Variants in GSTA2 observed in about 807,000 individuals in gnomAD.
The protein encoded by GSTA2 is glutathione S-transferase alpha 2, also known as glutathione S-transferase A2.
GSTA2 carries 27 observed loss-of-function variants against 22.4 expected under a neutral mutation model. The observed-to-expected ratio is 1.21, with a 90% confidence interval of 0.89 to 1.67. The LOEUF is 1.67. Among genes scored for constraint, GSTA2 ranks in the 40% most tolerant of loss-of-function variants. The pLI, the probability that GSTA2 is intolerant of heterozygous loss-of-function variation, is 0.00. For synonymous variants in GSTA2, 121 were observed against 86.8 expected (o/e 1.39, Z -2.19); for missense variants, 302 against 260.2 (o/e 1.16, Z -1.11).
At chr6:52,754,653 C>A (rs1168596688) in intron 4 of GSTA2, among the ~76,000 whole-genome samples, 2 of 152,190 alleles carry the variant, frequency 1.3e-5, no homozygotes, top group Non-Finnish European at 2.9e-5. Context: ...CACCTGGAAA[C>A]ATGATTCCCC....
intron 3 of GSTA2, 69 bp from the exon 4 acceptor site, chr6:52,755,144 TG>T (rs1762816627): frequency 1.3e-6 from 2 of 1,581,486 alleles, no homozygotes; most frequent in Admixed American, 3.6e-5. Context: ...TGAAAAAAAA[TG>T]GTTGTTGAAA....
chr6:52,759,563 G>GTTTTTTTTTGTTTTTTTTTTTTTT lies in GSTA2; in HGVS notation c.-30-1587_-30-1586insAAAAAAAAAAAAAACAAAAAAAAA, dbSNP rs1762913408. Among the ~76,000 whole-genome samples, 4 of 34,198 alleles carry GTTTTTTTTTGTTTTTTTTTTTTTT rather than the reference G, an allele frequency of 1.2e-4. 1 individual carries two copies. The highest frequency in any genetic ancestry group is 2.6e-4 in the African/African-American group (3 of 11,560). The allele number at this position is 34,198 out of a possible 152,430, so 22.4% of individuals were successfully genotyped here. A position where few individuals can be genotyped will look rare whatever the true frequency, so the allele number is the denominator to read the frequency against. On this transcript the variant is annotated intron_variant, in intron 1 of 6. Transcript: ENST00000493422. ...CCTTTAACAACTAATGTATTTATTT[G>GTTTTTTTTTGTTTTTTTTTTTTTT]TTTTTTTTTTTTTTTTTTTTTTTTT...
intron 1 of GSTA2, among the ~76,000 whole-genome samples, chr6:52,760,874 G>A (rs955040958): frequency 3.3e-5 from 5 of 152,086 alleles, no homozygotes; most frequent in Admixed American, 2.0e-4. Context: ...GAGGACTAGT[G>A]TAATTACTTT....
chr6:52,757,875 C>T lies in GSTA2; in HGVS notation c.73G>A (p.Ala25Thr), dbSNP rs1762875901. The T allele has an allele frequency of 6.2e-7, 1 of 1,613,444 alleles. No individual in the cohort carries two copies. Among genetic ancestry groups the T allele is most frequent in the East Asian group, 2.2e-5 (1 of 44,880 alleles). The change falls in exon 2 of 7, where the codon GCA (alanine) becomes ACA (threonine). Residue 25 changes from alanine to threonine, a missense_variant. Physicochemically the swap from Ala to Thr is moderately conservative, Grantham distance 58. Transcript: ENST00000493422. ...TCAGAACCTACCTCTACTCCAGCTG[C>T]AGCCAGGAGCCACCGGATGGACTCC... ...RMESIRWLLAAAGVEFEEKFI... is the reference protein window; with the variant it reads ...RMESIRWLLATAGVEFEEKFI...
chr6:52,754,869 G>T, intron 4 of GSTA2, 74 bp downstream of exon 4: 2 of 1,599,634 alleles, frequency 1.3e-6, no homozygotes, highest in Non-Finnish European at 1.7e-6. Context: ...CCCTGCCATG[G>T]TCCCACCCAC....
intron 1 of GSTA2, among the ~76,000 whole-genome samples, chr6:52,761,386 C>T (rs1039466574): frequency 1.3e-5 from 2 of 152,110 alleles, no homozygotes; most frequent in Non-Finnish European, 2.9e-5. Flanking sequence ...ATCAATCGTT[C>T]TATGTATCTA....
chr6:52,752,967 C>T lies in GSTA2; in HGVS notation c.301G>A (p.Asp101Asn). Residue 101 changes from aspartate (D) to asparagine (N), a missense_variant, in exon 5 of 7, where the codon GAT becomes AAT. Asp to Asn is a conservative substitution (Grantham distance 23). Transcript: ENST00000493422. ...AGAAGAAGGATCATTTCACCCAAAT[C>T]TGCTATACCTTCTATATACATATCA... ...LIDMYIEGIA[D>N]LGEMILLLPF... The T allele has an allele frequency of 6.2e-7, 1 of 1,613,376 alleles. No homozygotes were observed. Among genetic ancestry groups the T allele is most frequent in the Non-Finnish European group, 8.5e-7 (1 of 1,179,438 alleles).
chr6:52,751,736 A>T (rs1445952464), intron 5 of GSTA2, 28 bp from the exon 6 acceptor site: 1 of 1,613,994 alleles, frequency 6.2e-7, no homozygotes, highest in Non-Finnish European at 8.5e-7. Context: ...TCAGATCAGG[A>T]ACACATGCCC....
chr6:52,762,334 C>T lies in GSTA2; in HGVS notation c.-31+1110G>A, dbSNP rs1762966274. The stretch of plus-strand genomic sequence containing the variant: ...AGGAAGGCATCTGTCTCCCGCTTAT[C>T]CCTGGGCAATGGAATGTCTTGGTGT... On this transcript the variant is annotated intron_variant, in intron 1 of 6. Coordinates refer to ENST00000493422, the MANE Select transcript of GSTA2 (RefSeq NM_000846.5). Among the ~76,000 whole-genome samples the T allele has an allele frequency of 1.3e-5, 2 of 152,152 alleles. 1 individual carries two copies. The highest frequency in any genetic ancestry group is 4.2e-4 in the South Asian group (2 of 4,816).
rs73740510 is a variant in GSTA2 at position 52,751,694 on chromosome 6, G to A, written c.429C>T (p.His143=). 5,960 of 1,613,814 alleles carry A rather than the reference G, an allele frequency of 3.7e-3. 182 individuals carry two copies. The African/African-American group carries it at 0.065, about 18-fold the overall frequency. The part of the protein sequence containing the change: ...FPAFEKVLKS[H]GQDYLVGNKL... ...TGTTGCCAACAAGGTAGTCTTGTCCGTGGCTCTTTAAGACCTGGAGAATGG... is the reference window on the plus strand; with the variant it reads ...TGTTGCCAACAAGGTAGTCTTGTCCATGGCTCTTTAAGACCTGGAGAATGG... Residue 143 remains histidine, a synonymous_variant, in exon 6 of 7, where the codon CAC becomes CAT. Coordinates refer to ENST00000493422, the MANE Select transcript of GSTA2 (RefSeq NM_000846.5).
At chr6:52,752,338 C>T (rs1232382410) in intron 5 of GSTA2, among the ~76,000 whole-genome samples, 1 of 152,206 alleles carries the variant, frequency 6.6e-6, no homozygotes, top group Non-Finnish European at 1.5e-5. Flanking sequence ...ATGTCTGCAA[C>T]TTACTATAAA....
At chr6:52,756,394 A>T (rs1175592294) in intron 2 of GSTA2, 85 bp from the exon 3 acceptor site, 4 of 1,076,806 alleles carry the variant, frequency 3.7e-6, no homozygotes, top group Non-Finnish European at 5.7e-6. Context: ...CTGGTGCATC[A>T]TTTGGAGAAT....
chr6:52,760,062 T>C (rs1246732145), intron 1 of GSTA2, among the ~76,000 whole-genome samples: 1 of 152,192 alleles, frequency 6.6e-6, no homozygotes, highest in Non-Finnish European at 1.5e-5. Context: ...CATTGTACTT[T>C]CTATGATAAC....
At chr6:52,753,784 A>G (rs546438982) in intron 4 of GSTA2, among the ~76,000 whole-genome samples, 78 of 152,374 alleles carry the variant, frequency 5.1e-4, no homozygotes, top group Admixed American at 1.4e-3. Flanking sequence ...GTGCATTCAC[A>G]GAATTCTGTA....
chr6:52,755,044 C>A lies in GSTA2; in HGVS notation c.171G>T (p.Met57Ile), dbSNP rs183168307. 51 of 1,613,860 alleles carry A rather than the reference C, an allele frequency of 3.2e-5. No homozygotes were observed. The highest frequency in any genetic ancestry group is 3.0e-4 in the Admixed American group (18 of 59,980). ...DGYLMFQQVP[M>I]VEIDGMKLVQ... is the part of the protein sequence containing the mutation. The stretch of plus-strand genomic sequence containing the variant: ...CCAGCTTCATCCCATCAATCTCAAC[C>A]ATTGGCACTTGCTGGAACATCAAAT... The change falls in exon 4 of 7, where the codon ATG becomes ATT. Residue 57 changes from methionine (M) to isoleucine (I), a missense_variant. Met to Ile is a conservative substitution (Grantham distance 10). Coordinates refer to ENST00000493422, the MANE Select transcript of GSTA2 (RefSeq NM_000846.5).
intron 1 of GSTA2, among the ~76,000 whole-genome samples, chr6:52,758,189 C>A (rs954350009): frequency 6.6e-6 from 1 of 152,088 alleles, no homozygotes; most frequent in Non-Finnish European, 1.5e-5. Context: ...CTCAAGTTTT[C>A]ACTGTTTAAC....
chr6:52,757,538 TC>T (rs376407142), intron 2 of GSTA2, among the ~76,000 whole-genome samples: 1 of 152,198 alleles, frequency 6.6e-6, no homozygotes, highest in Admixed American at 6.5e-5. Flanking sequence ...TTATTTCATG[TC>T]CTCAAATATT....
chr6:52,756,703 A>C (rs547256825), intron 2 of GSTA2, among the ~76,000 whole-genome samples: 13 of 152,338 alleles, frequency 8.5e-5, no homozygotes, highest in East Asian at 5.8e-4. Flanking sequence ...ATGAGGCATG[A>C]CATGGGCTAA....
At chr6:52,752,242 C>T (rs1230047776) in intron 5 of GSTA2, among the ~76,000 whole-genome samples, 1 of 152,178 alleles carries the variant, frequency 6.6e-6, no homozygotes, top group East Asian at 1.9e-4. Context: ...CTGAATTCAT[C>T]ATCTTTTTTA....
Sources: allele counts gnomAD v4.1 joint callset (sites outside exome capture counted in the v4.1 genomes callset), GRCh38; gene constraint gnomAD v4.1.1; transcripts MANE v1.5; gene names NCBI Gene and HGNC (gene_info 2026-07-23, HGNC 2026-07-21).